Variants in CNTN1 observed in about 807,000 individuals in gnomAD.
CNTN1 encodes contactin 1, also known as contactin-1.
A neutral mutation model predicts 126.4 loss-of-function variants in CNTN1; 38 were observed. That is an observed-to-expected ratio of 0.30 (90% CI 0.23 to 0.39). CNTN1 has a LOEUF of 0.39. Among genes scored for constraint, CNTN1 ranks in the 10% least tolerant of loss-of-function variants. The probability of loss-of-function intolerance (pLI) is 1.00; values close to 1 mark genes in which losing one functional copy is unlikely to be tolerated. For synonymous variants in CNTN1, 413 were observed against 422.6 expected (o/e 0.98, Z 0.28); for missense variants, 1,009 against 1,248.4 (o/e 0.81, Z 2.89).
intron 23 of CNTN1, among the ~76,000 whole-genome samples, chr12:41,047,279 T>A (rs151190082): frequency 9.2e-5 from 14 of 152,286 alleles, no homozygotes; most frequent in African/African-American, 2.4e-4. Context: ...ATTCATACTT[T>A]ACTCTTAAAA....
Position 40,944,047 on chromosome 12 carries a change from A to C in CNTN1, c.1560A>C (p.Glu520Asp). 6.2e-7 allele frequency: 1 copy of C among 1,613,606 alleles called. No homozygotes were observed. Among genetic ancestry groups the C allele is most frequent in the South Asian group, 1.1e-5 (1 of 91,062 alleles). ...TTAATGCCGATATCACAGTTGGAGA[A>C]AACGCCACCATGCAGTGTGCTGCGT... ...APINADITVG[E>D]NATMQCAASF... Residue 520 changes from glutamate to aspartate, a missense_variant, in exon 14 of 24, where the codon GAA (glutamate) becomes GAC (aspartate). Transcript: ENST00000551295.
chr12:40,878,578 G>C (rs139644981), intron 1 of CNTN1, among the ~76,000 whole-genome samples: 164 of 152,170 alleles, frequency 1.1e-3, no homozygotes, highest in African/African-American at 3.7e-3. Flanking sequence ...AATCACCTAC[G>C]CAAGATCTTT....
chr12:40,775,669 C>A (rs1339562768), intron 1 of CNTN1, among the ~76,000 whole-genome samples: 1 of 151,450 alleles, frequency 6.6e-6, no homozygotes, highest in Non-Finnish European at 1.5e-5. Context: ...TGTACAAATA[C>A]ATAAATCCAT....
chr12:40,846,415 C>A (rs938763385), intron 1 of CNTN1, among the ~76,000 whole-genome samples: 2 of 152,202 alleles, frequency 1.3e-5, no homozygotes, highest in Admixed American at 1.3e-4. Context: ...CTGCAGTGAG[C>A]CGAGATTGCG....
intron 18 of CNTN1, 84 bp from the exon 19 acceptor site, chr12:41,016,598 T>C: frequency 1.2e-6 from 1 of 855,838 alleles, no homozygotes; most frequent in South Asian, 1.4e-5. Flanking sequence ...AGAGCACGCC[T>C]CCGTGTGTGT....
At chr12:40,704,568 C>T (rs1048239120) in intron 1 of CNTN1, among the ~76,000 whole-genome samples, 4 of 152,084 alleles carry the variant, frequency 2.6e-5, no homozygotes, top group Non-Finnish European at 5.9e-5. Context: ...TAAAAATTCA[C>T]GGATGTCCTA....
In CNTN1 at chr12:40,924,582, A is replaced by T. The variant is rs1384383467; in HGVS notation, c.426A>T (p.Glu142Asp). 1 of 1,599,136 alleles carries T rather than the reference A, an allele frequency of 6.3e-7. No individual in the cohort carries two copies. The highest frequency in any genetic ancestry group is 2.2e-5 in the East Asian group (1 of 44,708). Residue 142 changes from glutamate (E) to aspartate (D), a missense_variant, in exon 6 of 24, where the codon GAA becomes GAT. Physicochemically the swap from Glu to Asp is conservative, Grantham distance 45. Coordinates refer to ENST00000551295, the MANE Select transcript of CNTN1 (RefSeq NM_001843.4). The part of the protein sequence containing the change: ...FGYLDPFPPE[E>D]RPEVRVKEGK... ...ATCTTGATCCTTTCCCACCTGAGGA[A>T]CGTCCTGAGGTCAGAGTAAAAGAAG...
intron 15 of CNTN1, among the ~76,000 whole-genome samples, chr12:40,962,047 A>G (rs1298848707): frequency 1.3e-5 from 2 of 152,152 alleles, no homozygotes; most frequent in African/African-American, 4.8e-5. Flanking sequence ...AGTAGAGGGG[A>G]AAGCAATTTC....
At chr12:40,732,994 G>A (rs1395637969) in intron 1 of CNTN1, among the ~76,000 whole-genome samples, 1 of 151,830 alleles carries the variant, frequency 6.6e-6, no homozygotes, top group African/African-American at 2.4e-5. Flanking sequence ...ATTTATTCTT[G>A]TAGTCACCTA....
At chr12:40,804,194 G>T (rs1441481048) in intron 1 of CNTN1, among the ~76,000 whole-genome samples, 1 of 151,964 alleles carries the variant, frequency 6.6e-6, no homozygotes, top group African/African-American at 2.4e-5. Context: ...GCAGTGATTA[G>T]GTTGTGGGCT....
At chr12:40,959,028 G>A in intron 14 of CNTN1, 86 bp from the exon 15 acceptor site, 2 of 1,544,478 alleles carry the variant, frequency 1.3e-6, no homozygotes, top group Admixed American at 1.7e-5. Flanking sequence ...CATTTTGTTA[G>A]GGGAAAAAAC....
intron 23 of CNTN1, among the ~76,000 whole-genome samples, chr12:41,042,283 G>A (rs1434746443): frequency 6.6e-6 from 1 of 152,112 alleles, no homozygotes; most frequent in Non-Finnish European, 1.5e-5. Context: ...CTGAGAGACA[G>A]TTTGTTATAA....
rs4768325 is a variant in CNTN1 at position 40,923,046 on chromosome 12, G to C, written c.400+618G>C. Among the ~76,000 whole-genome samples, 4 of 150,670 alleles carry C rather than the reference G, an allele frequency of 2.7e-5. No individual in the cohort carries two copies. The South Asian group carries it at 6.3e-4, about 24-fold the overall frequency. ...TCAAAGGGGCACTATCACCCCTAAGGGGGTGAAAATTGTCTTTTGGGGGAA... is the reference window on the plus strand; with the variant it reads ...TCAAAGGGGCACTATCACCCCTAAGCGGGTGAAAATTGTCTTTTGGGGGAA... On this transcript the variant is annotated intron_variant, in intron 5 of 23. Transcript: ENST00000551295.
chr12:41,003,704 T>C (rs902851340), intron 17 of CNTN1, among the ~76,000 whole-genome samples: 10 of 152,120 alleles, frequency 6.6e-5, no homozygotes, highest in Non-Finnish European at 1.2e-4. Flanking sequence ...CAGGAATTTA[T>C]CCACTTCTTC....
At chr12:40,745,860 A>G (rs117211462) in intron 1 of CNTN1, among the ~76,000 whole-genome samples, 91 of 152,228 alleles carry the variant, frequency 6.0e-4, no homozygotes, top group South Asian at 2.7e-3. Flanking sequence ...AAAGTAAGGT[A>G]TGTTGTATAG....
chr12:40,807,382 C>G (rs1404269557), intron 1 of CNTN1, among the ~76,000 whole-genome samples: 1 of 151,920 alleles, frequency 6.6e-6, no homozygotes, highest in Non-Finnish European at 1.5e-5. Flanking sequence ...GAGTATGGAC[C>G]AGAGACTTGA....
chr12:40,720,976 T>TATATATATA (rs762942012), intron 1 of CNTN1, among the ~76,000 whole-genome samples: 3,612 of 150,912 alleles, frequency 0.024, 77 homozygotes, highest in Non-Finnish European at 0.039. Flanking sequence ...TGTATATATG[T>TATATATATA]TATAACATAT....
At position 40,944,152 on chromosome 12, in the gene CNTN1, C is replaced by T. The variant is rs767531789; in HGVS notation, c.1665C>T (p.His555=). Residue 555 remains histidine, a synonymous_variant, in exon 14 of 24, where the codon CAC becomes CAT. Coordinates refer to ENST00000551295, the MANE Select transcript of CNTN1 (RefSeq NM_001843.4). ...TCGATTTTAACAAAGAGAATATTCA[C>T]TACCAGAGGAATTTTATGGTATGTG... ...YVIDFNKENI[H]YQRNFMLDSN... is the part of the protein sequence containing the mutation. 1 of 1,613,022 alleles carries T rather than the reference C, an allele frequency of 6.2e-7. No homozygotes were observed. The highest frequency in any genetic ancestry group is 1.1e-5 in the South Asian group (1 of 91,058).
rs77142986 is a variant in CNTN1, at chr12:41,026,744, G to T, written c.2711-1113G>T. On this transcript the variant is annotated intron_variant, in intron 21 of 23. Coordinates refer to ENST00000551295, the MANE Select transcript of CNTN1 (RefSeq NM_001843.4). Reference sequence around the variant, plus strand: ...TAAACATGATAAGAAGCCATTGAAAGATTTTAAAACAGAGAGTGATATCTA... The same window carrying T: ...TAAACATGATAAGAAGCCATTGAAATATTTTAAAACAGAGAGTGATATCTA... Among the ~76,000 whole-genome samples the T allele has an allele frequency of 5.4e-3, 827 of 152,226 alleles. 3 individuals carry two copies. The highest frequency in any genetic ancestry group is 0.019 in the African/African-American group (793 of 41,540).
Sources: gnomAD v4.1 joint callset for allele counts (sites outside exome capture counted in the v4.1 genomes callset) on GRCh38, gnomAD v4.1.1 for gene constraint, MANE v1.5 for transcripts, NCBI Gene and HGNC (gene_info 2026-07-23, HGNC 2026-07-21) for gene names.